TOP2B: variants seen among roughly 807,000 people sequenced by gnomAD.
The protein encoded by TOP2B is DNA topoisomerase II beta.
Under a neutral mutation model 193.5 loss-of-function variants are expected in TOP2B, and 51 were observed. The observed-to-expected ratio is 0.26, with a 90% CI of 0.21 to 0.33. The LOEUF is 0.33. Among genes scored for constraint, TOP2B ranks in the 10% least tolerant of loss-of-function variants. TOP2B has a pLI of 1.00. For synonymous variants in TOP2B, 634 were observed against 635.7 expected, an observed-to-expected ratio of 1.00 and a Z score of 0.04; for missense variants, 1,378 against 1,909.3, an observed-to-expected ratio of 0.72 and a Z score of 5.19.
At chr3:25,652,360 CAGG>C (rs1202568520) in intron 1 of TOP2B, among the ~76,000 whole-genome samples, 1 of 152,200 alleles carries the variant, frequency 6.6e-6, no homozygotes. Flanking sequence ...CAATCAACAA[CAGG>C]AGAATACACA....
chr3:25,604,835 C>T lies in TOP2B; in HGVS notation c.4414G>A (p.Ala1472Thr). ...CCAAATGATGGTGAAAAAACAGAAGCAGAATCTTCTTCATTACTGTCAAAT... is the reference window on the plus strand; with the variant it reads ...CCAAATGATGGTGAAAAAACAGAAGTAGAATCTTCTTCATTACTGTCAAAT... The part of the protein sequence containing the change: ...AKFDSNEEDS[A>T]SVFSPSFGLK... Residue 1472 changes from alanine to threonine, a missense_variant, in exon 33 of 36, where the codon GCT becomes ACT. This residue lies in a region of TOP2B where 556 missense variants were observed against 584.2 expected (regional missense o/e 0.95). Transcript: ENST00000264331. The T allele has an allele frequency of 6.2e-7, 1 of 1,612,736 alleles. No homozygotes were observed. The highest frequency in any genetic ancestry group is 1.1e-5 in the South Asian group (1 of 91,024).
Position 25,635,976 on chromosome 3 carries a change from C to T in TOP2B, c.812G>A (p.Cys271Tyr). The change falls in exon 7 of 36, where the codon TGT (cysteine) becomes TAT (tyrosine). Residue 271 changes from cysteine to tyrosine, a missense_variant. Cys to Tyr is a radical substitution (Grantham distance 194). Coordinates refer to ENST00000264331, the MANE Select transcript of TOP2B (RefSeq NM_001330700.2). ...TRRAYDLAGS[C>Y]RGVKVMFNGK... is the part of the protein sequence containing the mutation. ...ATTAAACATGACCTTGACCCCTCTACACGAACCAGCCAAATCATATGCCCT... is the reference window on the plus strand; with the variant it reads ...ATTAAACATGACCTTGACCCCTCTATACGAACCAGCCAAATCATATGCCCT... The T allele has an allele frequency of 1.9e-6, 3 of 1,613,340 alleles. No individual in the cohort carries two copies. The highest frequency in any genetic ancestry group is 2.5e-6 in the Non-Finnish European group (3 of 1,179,422).
intron 1 of TOP2B, among the ~76,000 whole-genome samples, chr3:25,661,633 A>G (rs1244213428): frequency 6.6e-6 from 1 of 152,184 alleles, no homozygotes; most frequent in Non-Finnish European, 1.5e-5. Flanking sequence ...TAGCTTTGCC[A>G]TGTTTATATT....
At chr3:25,654,244 C>T (rs1354973117) in intron 1 of TOP2B, among the ~76,000 whole-genome samples, 2 of 152,078 alleles carry the variant, frequency 1.3e-5, no homozygotes, top group Admixed American at 1.3e-4. Context: ...TAAATGATTT[C>T]AGCAAGTTGC....
At chr3:25,617,161 G>A (rs745590614) in intron 25 of TOP2B, among the ~76,000 whole-genome samples, 1 of 151,992 alleles carries the variant, frequency 6.6e-6, no homozygotes, top group African/African-American at 2.4e-5. Flanking sequence ...TTCTGACACT[G>A]TAGAAATCTT....
At chr3:25,631,339 A>G (rs891728778) in intron 10 of TOP2B, among the ~76,000 whole-genome samples, 1 of 152,076 alleles carries the variant, frequency 6.6e-6, no homozygotes, top group Admixed American at 6.6e-5. Context: ...TCTTTAATTC[A>G]CTATGACAAA....
In TOP2B at chr3:25,624,251, T is replaced by A. The variant is rs186284989; in HGVS notation, c.2495+46A>T. The stretch of plus-strand genomic sequence containing the variant: ...TCCATCGAACATTTAGTTAGTTGGT[T>A]CCAAATCAAATCAAACTTTATACCA... On this transcript the variant is annotated intron_variant, in intron 20 of 35. Transcript: ENST00000264331. The A allele has an allele frequency of 9.5e-5, 152 of 1,602,826 alleles. 1 individual carries two copies. In the East Asian group the frequency reaches 3.3e-3, roughly 35 times the overall value.
rs1703030729 is a variant in TOP2B at position 25,633,926 on chromosome 3, G to C, written c.941C>G (p.Ala314Gly). ...GAGACAAACATCCCATCTTTCATTT[G>C]CAAGCTCATGAATAACTTTCAGGGC... The part of the protein sequence containing the change: ...GVALKVIHEL[A>G]NERWDVCLTL... Residue 314 changes from alanine (A) to glycine (G), a missense_variant, in exon 8 of 36, where the codon GCA (alanine) becomes GGA (glycine). By Grantham distance (60) the Ala-to-Gly change is moderately conservative. Coordinates refer to ENST00000264331, the MANE Select transcript of TOP2B (RefSeq NM_001330700.2). The C allele has an allele frequency of 6.2e-7, 1 of 1,612,926 alleles. No individual in the cohort carries two copies. Among genetic ancestry groups the C allele is most frequent in the Non-Finnish European group, 8.5e-7 (1 of 1,179,286 alleles).
intron 28 of TOP2B, among the ~76,000 whole-genome samples, chr3:25,611,741 G>T (rs1226310160): frequency 1.3e-5 from 2 of 151,810 alleles, no homozygotes; most frequent in Admixed American, 6.6e-5. Flanking sequence ...GGATGTGCTT[G>T]GTAGTTTAAG....
chr3:25,643,433 A>G (rs969617743), intron 3 of TOP2B, among the ~76,000 whole-genome samples: 2 of 152,218 alleles, frequency 1.3e-5, no homozygotes, highest in African/African-American at 2.4e-5. Context: ...ATGACTACAC[A>G]TAGAGGAGTA....
In TOP2B at chr3:25,601,986, A is replaced by G. The variant is rs1343087211; in HGVS notation, c.4490-761T>C. 2.0e-5 allele frequency among the ~76,000 whole-genome samples: 3 copies of G among 152,194 alleles called. No individual in the cohort carries two copies. In the East Asian group the frequency reaches 5.8e-4, roughly 29 times the overall value. On this transcript the variant is annotated intron_variant, in intron 33 of 35. Coordinates refer to ENST00000264331, the MANE Select transcript of TOP2B (RefSeq NM_001330700.2). ...GCTGAAATCCAGACTTGGCATTTTT[A>G]TGTGGAAAGAAATATAAAATCCTAG... is the stretch of plus-strand genomic sequence containing the variant.
At chr3:25,612,491 T>G (rs1240558049) in intron 28 of TOP2B, 24 bp downstream of exon 28, 2 of 1,547,250 alleles carry the variant, frequency 1.3e-6, no homozygotes, top group Non-Finnish European at 1.8e-6. Context: ...AATGAGTCTA[T>G]CAATGACAAG....
chr3:25,637,386 G>A (rs1432125424), intron 5 of TOP2B, 74 bp from the exon 6 acceptor site: 36 of 1,084,494 alleles, frequency 3.3e-5, no homozygotes, highest in Non-Finnish European at 4.2e-5. Flanking sequence ...ACCACCATAC[G>A]GCAAGGCTGT....
intron 4 of TOP2B, among the ~76,000 whole-genome samples, chr3:25,639,572 C>T (rs1703202119): frequency 6.6e-6 from 1 of 152,244 alleles, no homozygotes; most frequent in Admixed American, 6.5e-5. Context: ...TCCCAAAGTG[C>T]TGGGATTACA....
chr3:25,610,473 T>A (rs1394075802), intron 28 of TOP2B, among the ~76,000 whole-genome samples: 2 of 152,070 alleles, frequency 1.3e-5, no homozygotes, highest in Non-Finnish European at 2.9e-5. Flanking sequence ...AACACATAGG[T>A]TTGCCAGGTG....
chr3:25,600,962 T>C (rs956558042), intron 34 of TOP2B, 138 bp downstream of exon 34: 3 of 831,930 alleles, frequency 3.6e-6, no homozygotes, highest in Admixed American at 2.9e-5. Context: ...CACTGATTCC[T>C]AGACACACTG....
intron 28 of TOP2B, among the ~76,000 whole-genome samples, chr3:25,609,983 A>T (rs561204867): frequency 2.0e-5 from 3 of 152,226 alleles, no homozygotes; most frequent in African/African-American, 7.2e-5. Context: ...GCAGCTTTTG[A>T]TTATCAGAGG....
chr3:25,604,305 T>G (rs1702180465), intron 33 of TOP2B, among the ~76,000 whole-genome samples: 1 of 152,178 alleles, frequency 6.6e-6, no homozygotes, highest in Non-Finnish European at 1.5e-5. Flanking sequence ...AGAGATTCAT[T>G]AATCAACTCA....
chr3:25,641,443 C>A (rs531024659), intron 4 of TOP2B, among the ~76,000 whole-genome samples: 14 of 152,018 alleles, frequency 9.2e-5, no homozygotes, highest in African/African-American at 3.1e-4. Context: ...TCTTAAACTT[C>A]TGTATAAGTT....
Sources: allele counts gnomAD v4.1 joint callset (sites outside exome capture counted in the v4.1 genomes callset), GRCh38; gene constraint gnomAD v4.1.1; regional missense constraint gnomAD v4.1.1; transcripts MANE v1.5; gene names NCBI Gene and HGNC (gene_info 2026-07-23, HGNC 2026-07-21).